Variants in OSBPL1A observed in about 807,000 individuals in gnomAD.
OSBPL1A encodes the protein oxysterol-binding protein-related protein 1.
A neutral mutation model predicts 137.1 loss-of-function variants in OSBPL1A; 80 were observed. The observed-to-expected ratio is 0.58, with a 90% CI of 0.49 to 0.70. The LOEUF (loss-of-function observed/expected upper bound fraction) is 0.70. Among genes scored for constraint, OSBPL1A ranks in the 30% least tolerant of loss-of-function variants. The pLI is 0.00. For synonymous variants in OSBPL1A, 365 were observed against 389.7 expected (o/e 0.94, Z 0.75); for missense variants, 970 against 1,129.4 (o/e 0.86, Z 2.02).
rs1384596198 is a variant in OSBPL1A at position 24,368,321 on chromosome 18, A to G, written c.173T>C (p.Phe58Ser). Reference protein sequence around the residue: ...GWTPLHLACYFGHRQVVQDLL... With the variant: ...GWTPLHLACYSGHRQVVQDLL... ...ATCCTGGACCACTTGTCTGTGTCCA[A>G]AATAGCATGCCAGATGTAGAGGTGT... Residue 58 changes from phenylalanine (F) to serine (S), a missense_variant, in exon 3 of 28, where the codon TTT becomes TCT. Physicochemically the swap from Phe to Ser is radical, Grantham distance 155 (BLOSUM62 -2). This residue lies in a region of OSBPL1A where 647 missense variants were observed against 672.6 expected (regional missense o/e 0.96). Coordinates refer to ENST00000319481, the MANE Select transcript of OSBPL1A (RefSeq NM_080597.4). 6.2e-7 allele frequency: 1 copy of G among 1,613,664 alleles called. No individual in the cohort carries two copies. Among genetic ancestry groups the G allele is most frequent in the Non-Finnish European group, 8.5e-7 (1 of 1,179,750 alleles).
In OSBPL1A at chr18:24,175,133, TATACAC is replaced by T. The variant is rs199907980; in HGVS notation, c.2094-2656_2094-2651del. On this transcript the variant is annotated intron_variant, in intron 21 of 27. Coordinates refer to ENST00000319481, the MANE Select transcript of OSBPL1A (RefSeq NM_080597.4). ...GTATATATATATATATATATATATATATACACATATATATATATATATGAAGTATCT... is the reference window on the plus strand; with the variant it reads ...GTATATATATATATATATATATATATATATATATATATATATGAAGTATCT... Among the ~76,000 whole-genome samples, 977 of 122,570 alleles carry T rather than the reference TATACAC, an allele frequency of 8.0e-3. 11 individuals carry two copies. The highest frequency in any genetic ancestry group is 0.013 in the Admixed American group (165 of 12,552). 80.4% of individuals were successfully genotyped at this position (122,570 alleles called of 152,430 possible). A position where few individuals can be genotyped will look rare whatever the true frequency, so the allele number is the denominator to read the frequency against.
chr18:24,268,395 C>G (rs1295512169), intron 15 of OSBPL1A, among the ~76,000 whole-genome samples: 1 of 152,164 alleles, frequency 6.6e-6, no homozygotes, highest in Non-Finnish European at 1.5e-5. Context: ...GCTGCGATTA[C>G]AGGTGTGAGC....
intron 14 of OSBPL1A, among the ~76,000 whole-genome samples, chr18:24,288,494 G>A (rs1208881298): frequency 1.3e-5 from 2 of 152,192 alleles, no homozygotes; most frequent in Non-Finnish European, 2.9e-5. Context: ...AGGACTGGGT[G>A]CAGTGGCTCA....
intron 15 of OSBPL1A, among the ~76,000 whole-genome samples, chr18:24,251,967 T>C (rs989298041): frequency 6.6e-6 from 1 of 151,864 alleles, no homozygotes; most frequent in Non-Finnish European, 1.5e-5. Flanking sequence ...AACAGCAGAA[T>C]GGAACAAGTA....
intron 14 of OSBPL1A, among the ~76,000 whole-genome samples, chr18:24,283,751 A>G (rs1037523549): frequency 2.0e-5 from 3 of 152,196 alleles, no homozygotes; most frequent in African/African-American, 4.8e-5. Flanking sequence ...AGATAGAAGC[A>G]TAACCATTCA....
At chr18:24,329,073 T>C (rs924786893) in intron 7 of OSBPL1A, among the ~76,000 whole-genome samples, 2 of 152,148 alleles carry the variant, frequency 1.3e-5, no homozygotes, top group Non-Finnish European at 2.9e-5. Flanking sequence ...TTTCTACTCC[T>C]ATTGATGTCA....
At chr18:24,301,966 C>T (rs533975048) in intron 14 of OSBPL1A, among the ~76,000 whole-genome samples, 36 of 152,244 alleles carry the variant, frequency 2.4e-4, no homozygotes, top group Middle Eastern at 3.4e-3. Flanking sequence ...TGGTGGCTCA[C>T]GCCTGTAATC....
rs1377781016 is a variant in OSBPL1A at position 24,209,626 on chromosome 18, A to C, written c.1602-13426T>G. Reference sequence around the variant, plus strand: ...GTTCATAACTCCAAACTGGAAAAAAAACAAATTCCATCAACAGGAGTACAG... The same window carrying C: ...GTTCATAACTCCAAACTGGAAAAAACACAAATTCCATCAACAGGAGTACAG... On this transcript the variant is annotated intron_variant, in intron 17 of 27. Transcript: ENST00000319481. Among the ~76,000 whole-genome samples the C allele has an allele frequency of 2.6e-5, 4 of 152,364 alleles. No homozygotes were observed. In the East Asian group the frequency reaches 5.8e-4, roughly 22 times the overall value.
At chr18:24,229,853 T>C (rs9807417) in intron 16 of OSBPL1A, among the ~76,000 whole-genome samples, 6,702 of 151,850 alleles carry the variant, frequency 0.044, 464 homozygotes, top group African/African-American at 0.15. Flanking sequence ...CTCACGCAAG[T>C]GATTCTTGTG....
At chr18:24,224,955 A>T (rs1279733441) in intron 17 of OSBPL1A, 87 bp downstream of exon 17, 9 of 1,535,016 alleles carry the variant, frequency 5.9e-6, no homozygotes, top group Non-Finnish European at 8.0e-6. Flanking sequence ...ACGGGGAAAA[A>T]TGAAGACAAG....
In OSBPL1A at chr18:24,280,998, G is replaced by A. The variant is rs776679295; in HGVS notation, c.1175-50C>T. On this transcript the variant is annotated intron_variant, in intron 14 of 27. Transcript: ENST00000319481. The stretch of plus-strand genomic sequence containing the variant: ...TGAGTCGGATTTTAAGGAATCTTAA[G>A]GTAAACTAAGACCACAAAAATACTC... The A allele has an allele frequency of 2.3e-6, 3 of 1,281,718 alleles. No homozygotes were observed. The East Asian group carries it at 7.3e-5, about 31-fold the overall frequency. 79.4% of individuals were successfully genotyped at this position (1,281,718 alleles called of 1,614,324 possible).
At chr18:24,357,168 C>G (rs924127407) in intron 4 of OSBPL1A, 1 of 152,120 alleles carries the variant, frequency 6.6e-6, no homozygotes, top group Non-Finnish European at 1.5e-5. Context: ...GACACGCACC[C>G]AGGAGACAGA....
chr18:24,207,549 T>G (rs1275264960), intron 17 of OSBPL1A, among the ~76,000 whole-genome samples: 1 of 152,240 alleles, frequency 6.6e-6, no homozygotes. Flanking sequence ...AACTTAATTC[T>G]TACCTCTGAT....
At chr18:24,172,788 A>T (rs1191048951) in intron 21 of OSBPL1A, among the ~76,000 whole-genome samples, 1 of 152,196 alleles carries the variant, frequency 6.6e-6, no homozygotes, top group African/African-American at 2.4e-5. Context: ...AAAAAAGCTA[A>T]AGTAGAGACA....
Position 24,177,301 on chromosome 18 carries a change from G to C in OSBPL1A, c.2093+712C>G, listed in dbSNP as rs569745909. Among the ~76,000 whole-genome samples the C allele has an allele frequency of 4.6e-5, 7 of 152,320 alleles. No individual in the cohort carries two copies. In the East Asian group the frequency reaches 1.2e-3, roughly 25 times the overall value. ...TCTAGGTCCTTTAATTAGAAAGAAA[G>C]AATTACTCTCAGAACTTTTTCGGTC... On this transcript the variant is annotated intron_variant, in intron 21 of 27. Transcript: ENST00000319481.
chr18:24,329,730 A>C (rs556280421), intron 7 of OSBPL1A, among the ~76,000 whole-genome samples: 183 of 152,276 alleles, frequency 1.2e-3, no homozygotes, highest in Non-Finnish European at 2.0e-3. Flanking sequence ...CTAATGATTT[A>C]TGACTGTAGC....
In OSBPL1A at chr18:24,396,682, G is replaced by A. The variant is rs538162511; in HGVS notation, c.-3+973C>T. 1.1e-4 allele frequency among the ~76,000 whole-genome samples: 16 copies of A among 152,180 alleles called. No homozygotes were observed. In the South Asian group the frequency reaches 3.3e-3, roughly 32 times the overall value. ...AAGAAATCTTCACAATTCCAGCTTGGGGTGGGGAGGGAGGGGGGTGGTTCA... is the reference window on the plus strand; with the variant it reads ...AAGAAATCTTCACAATTCCAGCTTGAGGTGGGGAGGGAGGGGGGTGGTTCA... On this transcript the variant is annotated intron_variant, in intron 1 of 27. Transcript: ENST00000319481.
At chr18:24,313,169 G>A (rs923162105) in intron 12 of OSBPL1A, among the ~76,000 whole-genome samples, 10 of 151,824 alleles carry the variant, frequency 6.6e-5, no homozygotes, top group Non-Finnish European at 1.0e-4. Context: ...AGGGCCGGGC[G>A]CGGTGGCTCA....
intron 4 of OSBPL1A, chr18:24,366,349 A>C (rs2091700815): frequency 6.6e-6 from 1 of 151,882 alleles, no homozygotes. Flanking sequence ...TGATGAAACC[A>C]CTGGCCATTA....
Sources: gnomAD v4.1 joint callset for allele counts (sites outside exome capture counted in the v4.1 genomes callset) on GRCh38, gnomAD v4.1.1 for gene constraint, gnomAD v4.1.1 regional missense constraint, MANE v1.5 for transcripts, NCBI Gene and HGNC (gene_info 2026-07-23, HGNC 2026-07-21) for gene names.